The following TMC6 variants were observed in gnomAD, a reference collection of about 807,000 sequenced individuals.
TMC6 encodes the protein transmembrane channel like 6.
A neutral mutation model predicts 95.4 loss-of-function variants in TMC6; 71 were observed. That is an observed-to-expected ratio of 0.74 (90% CI 0.61 to 0.91). The LOEUF is 0.91. Among genes scored for constraint, TMC6 ranks in the 40% least tolerant of loss-of-function variants. TMC6 has a pLI of 0.00. For synonymous variants in TMC6, 514 were observed against 483.1 expected (o/e 1.06, Z -0.84); for missense variants, 1,074 against 1,079.1 (o/e 1.00, Z 0.07).
rs2074845587 is a variant in TMC6, at chr17:78,128,360, G to A, written c.-75+252C>T. On this transcript the variant is annotated intron_variant, in intron 1 of 19. Transcript: ENST00000590602. This position sits in a 1 kb window ranked among gnomAD's most constrained non-coding sequence, Gnocchi z 4.0. ...CCCTCCCCTCCCCTCCCCGTGCCCT[G>A]GCGCTCGGCTGGGGGACCTGGGTGG... Among the ~76,000 whole-genome samples the A allele has an allele frequency of 6.7e-6, 1 of 149,654 alleles. No individual in the cohort carries two copies. Among genetic ancestry groups the A allele is most frequent in the South Asian group, 2.2e-4 (1 of 4,466 alleles).
chr17:78,119,164 A>AG (rs1384429131), intron 14 of TMC6, 118 bp from the exon 15 acceptor site: 3 of 1,493,148 alleles, frequency 2.0e-6, no homozygotes, highest in Non-Finnish European at 2.8e-6. Context: ...CCCCGGGGTT[A>AG]GGGTCTGCAT....
Position 78,124,023 on chromosome 17 carries a change from TCA to T in TMC6, c.1046_1047del (p.Val349GlufsTer151). 6.2e-7 allele frequency: 1 copy of T among 1,613,718 alleles called. No homozygotes were observed. On this transcript the variant is annotated frameshift_variant, in exon 9 of 20. Coordinates refer to ENST00000590602, the MANE Select transcript of TMC6 (RefSeq NM_001127198.5). LOFTEE classifies it high-confidence loss of function. Reference protein sequence around the residue: ...MPLAYLSTVGVSFFITCITLV... With the variant: ...MPLAYLSTVGXSFFITCITLV... ...AGGGTGATGCAGGTGATAAAGAAGC[TCA>T]CGCCCACAGTGGAGAGGTAGGCCAG...
rs111787532 is a variant in TMC6 at position 78,113,435 on chromosome 17, C to T, written c.2354+113G>A. 3,335 of 1,352,590 alleles carry T rather than the reference C, an allele frequency of 2.5e-3. 10 individuals are homozygous for T. The highest frequency in any genetic ancestry group is 3.2e-3 in the Non-Finnish European group (3,016 of 954,346). The allele number at this position is 1,352,590 out of a possible 1,614,324, so 83.8% of individuals were successfully genotyped here. A position where few individuals can be genotyped will look rare whatever the true frequency, so the allele number is the denominator to read the frequency against. ...GGGGGAGATTTTTGTAGGTCAAAAGCGGTCAAGTGTCAGCAATGTCGTGGT... is the reference window on the plus strand; with the variant it reads ...GGGGGAGATTTTTGTAGGTCAAAAGTGGTCAAGTGTCAGCAATGTCGTGGT... On this transcript the variant is annotated intron_variant, in intron 19 of 19. Coordinates refer to ENST00000590602, the MANE Select transcript of TMC6 (RefSeq NM_001127198.5).
At position 78,117,899 on chromosome 17, in the gene TMC6, G is replaced by C. The variant is rs2074212633; in HGVS notation, c.1924C>G (p.Pro642Ala). 3.7e-6 allele frequency: 6 copies of C among 1,604,980 alleles called. No homozygotes were observed. The highest frequency in any genetic ancestry group is 5.1e-6 in the Non-Finnish European group (6 of 1,176,482). ...LLANCQAPRR[P>A]WLASHMSTVF... The stretch of plus-strand genomic sequence containing the variant: ...GTGCTCATGTGTGAGGCCAGCCAGG[G>C]CCGGCGCGGCGCCTGGCAGTTGGCC... The change falls in exon 16 of 20, where the codon CCC becomes GCC. Residue 642 changes from proline to alanine, a missense_variant. Physicochemically the swap from Pro to Ala is conservative, Grantham distance 27. Coordinates refer to ENST00000590602, the MANE Select transcript of TMC6 (RefSeq NM_001127198.5).
Position 78,121,371 on chromosome 17 carries a change from G to GT in TMC6, c.1383+184dup. 6.6e-6 allele frequency among the ~76,000 whole-genome samples: 1 copy of GT among 152,284 alleles called. No homozygotes were observed. Among genetic ancestry groups the GT allele is most frequent in the Non-Finnish European group, 1.5e-5 (1 of 68,012 alleles). ...AAACCAGAAACCAAAAAATAAAACC[G>GT]TGAGACAGGACAAGGGGCTGAGAAG... On this transcript the variant is annotated intron_variant, in intron 11 of 19. Transcript: ENST00000590602. The surrounding 1 kb of genome is among the most constrained non-coding windows in gnomAD (Gnocchi z 5.6).
At chr17:78,129,333 C>T (rs1474422544), upstream of TMC6, among the ~76,000 whole-genome samples, 5 of 152,260 alleles carry the variant, frequency 3.3e-5, no homozygotes, top group South Asian at 8.3e-4. This position sits in a 1 kb window ranked among gnomAD's most constrained non-coding sequence, Gnocchi z 4.3. Flanking sequence ...ACCCGTTGCC[C>T]TGTTTTCTGT....
rs2073797922 is a variant in TMC6, at chr17:78,110,190, T to C, written c.*2958A>G. 6.5e-6 allele frequency: 1 copy of C among 152,716 alleles called. No individual in the cohort carries two copies. The highest frequency in any genetic ancestry group is 2.1e-4 in the South Asian group (1 of 4,850). 9.5% of individuals were successfully genotyped at this position (152,716 alleles called of 1,614,324 possible). On this transcript the variant is annotated 3_prime_UTR_variant, in exon 20 of 20. Coordinates refer to ENST00000590602, the MANE Select transcript of TMC6 (RefSeq NM_001127198.5). ...TTTTTTTGTTTGTTGGGACAGGGTC[T>C]TGCCATTGCCCGTGCTGGATTCAAA...
At position 78,111,104 on chromosome 17, in the gene TMC6, A is replaced by G. The variant is rs2073816609; in HGVS notation, c.*2044T>C. 2 of 152,200 alleles carry G rather than the reference A, an allele frequency of 1.3e-5. No homozygotes were observed. Among genetic ancestry groups the G allele is most frequent in the Admixed American group, 6.5e-5 (1 of 15,278 alleles). The allele number at this position is 152,200 out of a possible 1,614,324, so 9.4% of individuals were successfully genotyped here. A position where few individuals can be genotyped will look rare whatever the true frequency, so the allele number is the denominator to read the frequency against. On this transcript the variant is annotated 3_prime_UTR_variant, in exon 20 of 20. Transcript: ENST00000590602. ...AGCTGATAGGATGAGGCCCACCCAC[A>G]TTCTCAAGGATGATCTTTAGGTGAA... is the stretch of plus-strand genomic sequence containing the variant.
rs977484751 is a variant in TMC6, at chr17:78,112,374, C to A, written c.*774G>T. On this transcript the variant is annotated 3_prime_UTR_variant, in exon 20 of 20. Transcript: ENST00000590602. ...CTGGTCCCCGAATCCCTGTGCCCAC[C>A]CCCCACAGCCTACGGTTTTCGGTAT... 2.1e-5 allele frequency: 4 copies of A among 190,264 alleles called. No individual in the cohort carries two copies. Among genetic ancestry groups the A allele is most frequent in the Non-Finnish European group, 4.5e-5 (4 of 89,638 alleles). The allele number at this position is 190,264 out of a possible 1,614,324, so 11.8% of individuals were successfully genotyped here.
rs772567534 is a variant in TMC6 at position 78,117,792 on chromosome 17, C to T, written c.2021+10G>A. On this transcript the variant is annotated intron_variant, in intron 16 of 19. Transcript: ENST00000590602. ...ACACAGAAGGGTCTCCCTCCACCCG[C>T]CCCACTCACTGCCAGACGGCGTAGC... The T allele has an allele frequency of 3.1e-6, 5 of 1,604,182 alleles. No individual in the cohort carries two copies. The East Asian group carries it at 1.1e-4, about 36-fold the overall frequency.
chr17:78,109,330 G>T lies in TMC6; in HGVS notation c.*3818C>A. The T allele has an allele frequency of 5.1e-6, 2 of 395,354 alleles. No individual in the cohort carries two copies. The highest frequency in any genetic ancestry group is 1.0e-5 in the Non-Finnish European group (2 of 195,338). 24.5% of individuals were successfully genotyped at this position (395,354 alleles called of 1,614,324 possible). Reference sequence around the variant, plus strand: ...GGCATCCCGAGAAGATCCTCTGCAGGAGTGCGGTGTCTACGGATGGACCAA... The same window carrying T: ...GGCATCCCGAGAAGATCCTCTGCAGTAGTGCGGTGTCTACGGATGGACCAA... On this transcript the variant is annotated 3_prime_UTR_variant, in exon 20 of 20. Transcript: ENST00000590602.
At chr17:78,124,245 C>A in intron 8 of TMC6, 66 bp from the exon 9 acceptor site, 2 of 1,589,882 alleles carry the variant, frequency 1.3e-6, no homozygotes, top group South Asian at 2.2e-5. Context: ...TCAGGCCTGA[C>A]AGCCACAGGG....
chr17:78,118,928 C>A, intron 15 of TMC6, 43 bp downstream of exon 15: 2 of 1,559,576 alleles, frequency 1.3e-6, no homozygotes, highest in Admixed American at 1.9e-5. Context: ...CCACTGCCGG[C>A]CACCCTGCCA....
At chr17:78,119,678 G>A (rs1200449135) in intron 13 of TMC6, 9 of 476,576 alleles carry the variant, frequency 1.9e-5, no homozygotes, top group East Asian at 8.6e-5. Context: ...TCTGTTGTCC[G>A]GGCTGGAGCA....
rs763923856 is a variant in TMC6 at position 78,120,616 on chromosome 17, G to A, written c.1715+37C>T. The A allele has an allele frequency of 1.1e-5, 17 of 1,613,694 alleles. No homozygotes were observed. In the East Asian group the frequency reaches 3.3e-4, roughly 32 times the overall value. On this transcript the variant is annotated intron_variant, in intron 13 of 19. Transcript: ENST00000590602. ...CCACACGTCCCGGCCACTAAGGGGA[G>A]AACACTCACCACCCAGTCCGCCCAG...
chr17:78,122,590 T>C lies in TMC6; in HGVS notation c.1227+15A>G. 1 of 1,607,416 alleles carries C rather than the reference T, an allele frequency of 6.2e-7. No individual in the cohort carries two copies. Among genetic ancestry groups the C allele is most frequent in the South Asian group, 1.1e-5 (1 of 91,032 alleles). On this transcript the variant is annotated intron_variant, in intron 10 of 19. Transcript: ENST00000590602. The surrounding 1 kb of genome is among the most constrained non-coding windows in gnomAD (Gnocchi z 4.9). ...GGAGCTGGGCAGGCCAGCTTGGTGC[T>C]CCGGGGCCACTCACCTTCAGCCGGG...
Position 78,126,951 on chromosome 17 carries a change from G to A in TMC6, c.-74-45C>T, listed in dbSNP as rs547448006. 8.0e-5 allele frequency: 97 copies of A among 1,207,280 alleles called. No individual in the cohort carries two copies. In the African/African-American group the frequency reaches 1.3e-3, roughly 16 times the overall value. 74.8% of individuals were successfully genotyped at this position (1,207,280 alleles called of 1,614,324 possible). ...GAGCCAGGGGTGGTCTTCAACGCCT[G>A]GCAGCTGTCCACACCACCCATTCCT... is the stretch of plus-strand genomic sequence containing the variant. On this transcript the variant is annotated intron_variant, in intron 1 of 19. Coordinates refer to ENST00000590602, the MANE Select transcript of TMC6 (RefSeq NM_001127198.5).
rs75400929 is a variant in TMC6, at chr17:78,121,043, G to A, written c.1505C>T (p.Pro502Leu). Residue 502 changes from proline to leucine, a missense_variant, in exon 12 of 20, where the codon CCG (proline) becomes CTG (leucine). By Grantham distance (98) the Pro-to-Leu change is moderately conservative. Transcript: ENST00000590602. The surrounding 1 kb of genome is among the most constrained non-coding windows in gnomAD (Gnocchi z 5.6). ...GATGGCCACGTACACCTCCAGTACC[G>A]GGGAGTCATGCGGCTCCAGGGCGGC... ...VLAALEPHDS[P>L]VLEVYVAICR... is the part of the protein sequence containing the mutation. The A allele has an allele frequency of 8.3e-3, 13,349 of 1,613,348 alleles. 120 individuals are homozygous for A. The highest frequency in any genetic ancestry group is 8.6e-3 in the Non-Finnish European group (10,105 of 1,180,008).
intron 13 of TMC6, chr17:78,120,383 C>T (rs528567923): frequency 1.8e-6 from 1 of 542,020 alleles, no homozygotes; most frequent in Non-Finnish European, 3.5e-6. Flanking sequence ...TGGTCTCAAA[C>T]TCCTGACCTC....
Sources: allele counts gnomAD v4.1 joint callset (sites outside exome capture counted in the v4.1 genomes callset), GRCh38; gene constraint gnomAD v4.1.1; non-coding constraint Gnocchi (gnomAD v3.1); transcripts MANE v1.5; gene names NCBI Gene and HGNC (gene_info 2026-07-23, HGNC 2026-07-21).